Variants in CELF4 observed in about 807,000 individuals in gnomAD.
CELF4 encodes CUG-BP- and ETR-3-like factor 4.
Under a neutral mutation model 59.9 loss-of-function variants are expected in CELF4, and 18 were observed. The observed-to-expected ratio is 0.30, with a 90% CI of 0.21 to 0.45. The LOEUF (loss-of-function observed/expected upper bound fraction) is 0.45. Among genes scored for constraint, CELF4 ranks in the 20% least tolerant of loss-of-function variants. The pLI is 1.00. For missense variants in CELF4, 456 were observed against 689.0 expected (o/e 0.66, Z 3.79); for synonymous variants, 261 against 267.1 (o/e 0.98, Z 0.22).
chr18:37,369,897 T>G lies in CELF4; in HGVS notation c.370-48016A>C, dbSNP rs548119421. On this transcript the variant is annotated intron_variant, in intron 2 of 12. Transcript: ENST00000420428. ...GTGCCCATGCACTGTGCCTTCTGCA[T>G]GAGAGCTGTGCCTGTCTCCTCCTGG... Among the ~76,000 whole-genome samples the G allele has an allele frequency of 2.6e-5, 4 of 152,360 alleles. No individual in the cohort carries two copies. In the East Asian group the frequency reaches 7.7e-4, roughly 29 times the overall value.
chr18:37,289,536 C>A (rs1432832785), intron 3 of CELF4, among the ~76,000 whole-genome samples: 1 of 151,922 alleles, frequency 6.6e-6, no homozygotes, highest in Non-Finnish European at 1.5e-5. Flanking sequence ...AGCTAGTACG[C>A]CCCAGCTCGT....
intron 12 of CELF4, chr18:37,247,470 TAAAAC>T (rs2062725692): frequency 6.6e-6 from 1 of 150,972 alleles, no homozygotes; most frequent in African/African-American, 2.4e-5. Context: ...AGGAAGAAGT[TAAAAC>T]AAAATTAAAA....
At chr18:37,415,558 C>A (rs969310746) in intron 2 of CELF4, among the ~76,000 whole-genome samples, 2 of 152,172 alleles carry the variant, frequency 1.3e-5, no homozygotes, top group Admixed American at 1.3e-4. Context: ...GGAGAAAGTG[C>A]CCATCTAGAA....
intron 1 of CELF4, among the ~76,000 whole-genome samples, chr18:37,538,650 C>A (rs2099975488): frequency 6.6e-6 from 1 of 152,174 alleles, no homozygotes; most frequent in Non-Finnish European, 1.5e-5. Flanking sequence ...CTTTTTCATT[C>A]CAATTGTCGC....
At chr18:37,449,979 C>G (rs909666412) in intron 2 of CELF4, among the ~76,000 whole-genome samples, 1 of 152,180 alleles carries the variant, frequency 6.6e-6, no homozygotes, top group Admixed American at 6.5e-5. Flanking sequence ...AGTCCCTGCA[C>G]TAACAAGGAG....
chr18:37,346,358 C>T (rs1603622712), intron 2 of CELF4, among the ~76,000 whole-genome samples: 1 of 152,166 alleles, frequency 6.6e-6, no homozygotes, highest in East Asian at 1.9e-4. Flanking sequence ...AAAAAGAGCT[C>T]TAGGCTCCAG....
intron 1 of CELF4, among the ~76,000 whole-genome samples, chr18:37,539,645 C>G (rs143048749): frequency 1.3e-5 from 2 of 152,196 alleles, no homozygotes; most frequent in East Asian, 1.9e-4. Flanking sequence ...ACGCAATGCT[C>G]TCCGCACTGT....
chr18:37,528,843 T>G (rs2099966578), intron 1 of CELF4: 1 of 152,202 alleles, frequency 6.6e-6, no homozygotes, highest in African/African-American at 2.4e-5. Context: ...AGCAGCATTT[T>G]CCTCCACTGT....
At chr18:37,565,213 C>T (rs746408533) in intron 1 of CELF4, 143 bp downstream of exon 1, 68 of 849,750 alleles carry the variant, frequency 8.0e-5, no homozygotes, top group Non-Finnish European at 1.1e-4. Flanking sequence ...GCTCTGGTCT[C>T]CGCTGCCCGA....
At chr18:37,389,786 C>T (rs2099138095) in intron 2 of CELF4, among the ~76,000 whole-genome samples, 1 of 152,184 alleles carries the variant, frequency 6.6e-6, no homozygotes, top group Non-Finnish European at 1.5e-5. Flanking sequence ...CAGTATACCG[C>T]AAAATGCTGC....
rs1333773694 is a variant in CELF4, at chr18:37,246,289, CAAATA to C, written c.*45-1097_*45-1093del. 6.6e-6 allele frequency among the ~76,000 whole-genome samples: 1 copy of C among 152,042 alleles called. No individual in the cohort carries two copies. Among genetic ancestry groups the C allele is most frequent in the Non-Finnish European group, 1.5e-5 (1 of 68,010 alleles). On this transcript the variant is annotated intron_variant, in intron 12 of 12. Coordinates refer to ENST00000420428, the MANE Select transcript of CELF4 (RefSeq NM_020180.4). This position sits in a 1 kb window ranked among gnomAD's most constrained non-coding sequence, Gnocchi z 5.3. ...ACAGCAGTCTAAACAATTACAACAC[CAAATA>C]AAATAATAATAAAATTAAAAAACAC... is the stretch of plus-strand genomic sequence containing the variant.
intron 2 of CELF4, among the ~76,000 whole-genome samples, chr18:37,429,439 G>A (rs1016598877): frequency 2.0e-5 from 3 of 152,154 alleles, no homozygotes; most frequent in African/African-American, 7.2e-5. Flanking sequence ...CTCATTGTGT[G>A]TGCATGTCTG....
intron 2 of CELF4, among the ~76,000 whole-genome samples, chr18:37,363,955 A>T (rs1440218738): frequency 1.3e-5 from 2 of 152,136 alleles, no homozygotes; most frequent in African/African-American, 2.4e-5. Context: ...ACAGGTGGGG[A>T]CCACATCTGT....
intron 1 of CELF4, among the ~76,000 whole-genome samples, chr18:37,544,900 CT>C (rs995691532): frequency 6.6e-5 from 10 of 152,298 alleles, no homozygotes; most frequent in Non-Finnish European, 1.5e-4. Flanking sequence ...TTGTTGACAA[CT>C]TGGACAGGGA....
chr18:37,507,599 C>A (rs2099939529), intron 1 of CELF4, among the ~76,000 whole-genome samples: 1 of 152,234 alleles, frequency 6.6e-6, no homozygotes, highest in African/African-American at 2.4e-5. Flanking sequence ...CTCTGCCATC[C>A]TCCTTAGTCA....
intron 1 of CELF4, among the ~76,000 whole-genome samples, chr18:37,550,652 C>T (rs559862367): frequency 6.6e-5 from 10 of 152,336 alleles, no homozygotes; most frequent in African/African-American, 4.8e-5. Context: ...GAGATCAGCC[C>T]GTCCGCTGGC....
intron 6 of CELF4, 35 bp downstream of exon 6, chr18:37,274,276 C>T (rs1225995339): frequency 6.2e-7 from 1 of 1,607,650 alleles, no homozygotes; most frequent in Non-Finnish European, 8.5e-7. Context: ...GGGGAGTGAG[C>T]TTGAGAACCG....
intron 3 of CELF4, among the ~76,000 whole-genome samples, chr18:37,297,302 C>T (rs1357688546): frequency 1.3e-5 from 2 of 152,188 alleles, no homozygotes; most frequent in African/African-American, 4.8e-5. Context: ...CCATTAGAGC[C>T]TCATCTCTTT....
chr18:37,303,328 G>C (rs2096194295), intron 3 of CELF4, among the ~76,000 whole-genome samples: 1 of 152,200 alleles, frequency 6.6e-6, no homozygotes, highest in African/African-American at 2.4e-5. Flanking sequence ...AATCCTGGCA[G>C]AGGTCTCCTT....
Sources: allele counts gnomAD v4.1 joint callset (sites outside exome capture counted in the v4.1 genomes callset), GRCh38; gene constraint gnomAD v4.1.1; non-coding constraint Gnocchi (gnomAD v3.1); transcripts MANE v1.5; gene names NCBI Gene and HGNC (gene_info 2026-07-23, HGNC 2026-07-21).